MRPS23: variants seen among roughly 807,000 people sequenced by gnomAD.
MRPS23 encodes the protein small ribosomal subunit protein mS23.
Under a neutral mutation model 19.8 loss-of-function variants are expected in MRPS23, and 14 were observed. That is an observed-to-expected ratio of 0.71 (90% CI 0.47 to 1.11). The LOEUF (loss-of-function observed/expected upper bound fraction) is 1.11, where lower values mean the gene tolerates loss of function less well. MRPS23 is among the 50% of genes least tolerant of loss of function. The probability of loss-of-function intolerance (pLI) is 0.00; values close to 1 mark genes in which losing one functional copy is unlikely to be tolerated. For missense variants in MRPS23, 242 were observed against 236.7 expected, an observed-to-expected ratio of 1.02 and a Z score of -0.15; for synonymous variants, 113 against 89.7, an observed-to-expected ratio of 1.26 and a Z score of -1.47.
In MRPS23 at chr17:57,839,571, T is replaced by A. The variant is rs576497303; in HGVS notation, c.*212A>T. The A allele has an allele frequency of 2.7e-5, 12 of 436,730 alleles. 1 individual carries two copies. The highest frequency in any genetic ancestry group is 2.0e-4 in the Admixed American group (5 of 25,536). 27.1% of individuals were successfully genotyped at this position (436,730 alleles called of 1,614,324 possible). ...ACTTTATAAGCAGCTAGGGAATTCT[T>A]TATTTAGTAATGTCCTAACATAAAA... On this transcript the variant is annotated 3_prime_UTR_variant, in exon 5 of 5. Transcript: ENST00000313608.
Position 57,841,249 on chromosome 17 carries a change from G to C in MRPS23, c.227C>G (p.Ser76Ter). The C allele has an allele frequency of 6.2e-7, 1 of 1,613,398 alleles. No homozygotes were observed. Among genetic ancestry groups the C allele is most frequent in the African/African-American group, 1.3e-5 (1 of 75,024 alleles). ...HEDRIRAKFYSVYGSGQRAFD... is the reference protein window; with the variant it reads ...HEDRIRAKFY ...AGCTCTTTGACCAGACCCATACACTGAATAAAACTTCCTAGAAAATGCAAA... is the reference window on the plus strand; with the variant it reads ...AGCTCTTTGACCAGACCCATACACTCAATAAAACTTCCTAGAAAATGCAAA... The change falls in exon 3 of 5, where the codon TCA becomes TGA. Residue 76 changes from serine (S) to a stop codon, truncating the protein, a stop_gained. Transcript: ENST00000313608. LOFTEE classifies it high-confidence loss of function.
chr17:57,839,961 C>G (rs779186471), intron 4 of MRPS23, 26 bp from the exon 5 acceptor site: 1 of 1,611,002 alleles, frequency 6.2e-7, no homozygotes, highest in Admixed American at 1.7e-5. Context: ...TTAAGTATCA[C>G]AGAGATGTTA....
chr17:57,847,818 T>C (rs976460700), intron 2 of MRPS23, among the ~76,000 whole-genome samples: 2 of 150,274 alleles, frequency 1.3e-5, no homozygotes, highest in African/African-American at 2.4e-5. Flanking sequence ...CACCTCAGCA[T>C]CCAAAGTAGC....
chr17:57,847,665 A>AG, intron 2 of MRPS23, among the ~76,000 whole-genome samples: 1 of 150,740 alleles, frequency 6.6e-6, no homozygotes, highest in Non-Finnish European at 1.5e-5. Context: ...CCATCTCGAA[A>AG]AAAAAAAAAA....
chr17:57,836,933 C>G lies in MRPS23; in HGVS notation c.*2850G>C, dbSNP rs980467286. 1.3e-5 allele frequency: 2 copies of G among 152,238 alleles called. No homozygotes were observed. Among genetic ancestry groups the G allele is most frequent in the African/African-American group, 2.4e-5 (1 of 41,458 alleles). 9.4% of individuals were successfully genotyped at this position (152,238 alleles called of 1,614,324 possible). A position where few individuals can be genotyped will look rare whatever the true frequency, so the allele number is the denominator to read the frequency against. ...ACCTCAGGTGATCCGCCCACCTTGG[C>G]CTCCCAAAGTGCTGGGATTACAGGC... On this transcript the variant is annotated 3_prime_UTR_variant, in exon 5 of 5. Transcript: ENST00000313608.
chr17:57,844,137 T>C (rs1355512357), intron 2 of MRPS23, among the ~76,000 whole-genome samples: 6 of 151,080 alleles, frequency 4.0e-5, no homozygotes, highest in Non-Finnish European at 7.4e-5. Flanking sequence ...CTTTTTTTTT[T>C]TTTTAAGAGA....
chr17:57,840,583 G>C (rs2073734096), intron 4 of MRPS23, among the ~76,000 whole-genome samples: 1 of 151,752 alleles, frequency 6.6e-6, no homozygotes, highest in Non-Finnish European at 1.5e-5. Flanking sequence ...TGGCAACTCT[G>C]GTCAACCCTC....
intron 2 of MRPS23, among the ~76,000 whole-genome samples, chr17:57,847,999 G>GA (rs55882302): frequency 0.4 from 60,685 of 150,194 alleles, 12,845 homozygotes; most frequent in East Asian, 0.81. Context: ...GCCTGGCCCA[G>GA]AAAAAAAAAA....
In MRPS23 at chr17:57,849,274, G is replaced by C. The variant is rs2073796390; in HGVS notation, c.181C>G (p.Gln61Glu). 6.2e-7 allele frequency: 1 copy of C among 1,614,100 alleles called. No individual in the cohort carries two copies. Among genetic ancestry groups the C allele is most frequent in the African/African-American group, 1.3e-5 (1 of 74,936 alleles). Reference sequence around the variant, plus strand: ...CGATCCTCGTGGTACCAGATGTCTTGGATGGGAGCTTTGGCTTTGCCATAT... The same window carrying C: ...CGATCCTCGTGGTACCAGATGTCTTCGATGGGAGCTTTGGCTTTGCCATAT... ...VRYGKAKAPI[Q>E]DIWYHEDRIR... Residue 61 changes from glutamine to glutamate, a missense_variant, in exon 2 of 5, where the codon CAA becomes GAA. Coordinates refer to ENST00000313608, the MANE Select transcript of MRPS23 (RefSeq NM_016070.4).
chr17:57,846,080 TTTG>T (rs903404757), intron 2 of MRPS23, among the ~76,000 whole-genome samples: 5 of 9,396 alleles, frequency 5.3e-4, no homozygotes, highest in Admixed American at 2.0e-3. Flanking sequence ...GTGTGACATC[TTTG>T]TTTTTTTTTT....
intron 1 of MRPS23, chr17:57,849,764 T>C (rs1223307960): frequency 1.5e-6 from 1 of 658,778 alleles, no homozygotes; most frequent in Non-Finnish European, 2.5e-6. Context: ...ATCTTTAACA[T>C]GACACATAAA....
At chr17:57,849,789 T>C in intron 1 of MRPS23, 178 bp downstream of exon 1, 1 of 728,000 alleles carries the variant, frequency 1.4e-6, no homozygotes, top group Non-Finnish European at 2.2e-6. Context: ...AGGAGAGGCA[T>C]CCTCAGGCAC....
chr17:57,841,043 C>T lies in MRPS23; in HGVS notation c.303G>A (p.Glu101=). The T allele has an allele frequency of 6.2e-7, 1 of 1,614,006 alleles. No individual in the cohort carries two copies. Among genetic ancestry groups the T allele is most frequent in the Non-Finnish European group, 8.5e-7 (1 of 1,179,962 alleles). The part of the protein sequence containing the change: ...NFKSTCQRFV[E]KYTELQKLGE... ...CAAGTTTCTGTAGCTCAGTGTACTTCTCCACAAACCTGTAATTCCAAGCAG... is the reference window on the plus strand; with the variant it reads ...CAAGTTTCTGTAGCTCAGTGTACTTTTCCACAAACCTGTAATTCCAAGCAG... Residue 101 remains glutamate, a synonymous_variant, in exon 4 of 5, where the codon GAG becomes GAA. Coordinates refer to ENST00000313608, the MANE Select transcript of MRPS23 (RefSeq NM_016070.4).
intron 2 of MRPS23, among the ~76,000 whole-genome samples, chr17:57,843,412 T>C (rs143660240): frequency 2.1e-3 from 324 of 152,360 alleles, no homozygotes; most frequent in African/African-American, 7.4e-3. Flanking sequence ...TTTTCAAGTT[T>C]AAAAGCAAAC....
At chr17:57,840,668 TA>T in intron 4 of MRPS23, 3 of 329,932 alleles carry the variant, frequency 9.1e-6, no homozygotes, top group East Asian at 4.9e-5. Context: ...ATAAATAAAA[TA>T]AAAAATATAA....
chr17:57,849,170 C>T, intron 2 of MRPS23, 70 bp downstream of exon 2: 1 of 1,558,236 alleles, frequency 6.4e-7, no homozygotes, highest in South Asian at 1.2e-5. Flanking sequence ...TTTGAATTCC[C>T]AGACTGCTAC....
chr17:57,845,046 T>C (rs900366954), intron 2 of MRPS23, among the ~76,000 whole-genome samples: 15 of 152,022 alleles, frequency 9.9e-5, no homozygotes, highest in Non-Finnish European at 1.5e-4. Flanking sequence ...TACAGGTGCA[T>C]GCCACCACGC....
intron 2 of MRPS23, among the ~76,000 whole-genome samples, chr17:57,844,922 G>C (rs929008484): frequency 5.9e-5 from 9 of 151,672 alleles, no homozygotes; most frequent in Non-Finnish European, 1.3e-4. Flanking sequence ...TTTTGAGTCG[G>C]AGTCTCACTC....
rs1375492054 is a variant in MRPS23, at chr17:57,835,945, C to A, written c.*3838G>T. On this transcript the variant is annotated 3_prime_UTR_variant, in exon 5 of 5. Transcript: ENST00000313608. ...TAAAAGAATAAGAATTTCTGCCCTC[C>A]TTTATACTTTTTTTTTTTTTTTTTT... 7.2e-5 allele frequency: 10 copies of A among 138,408 alleles called. No homozygotes were observed. The Admixed American group carries it at 8.1e-4, about 11-fold the overall frequency. The allele number at this position is 138,408 out of a possible 1,614,324, so 8.6% of individuals were successfully genotyped here. A position where few individuals can be genotyped will look rare whatever the true frequency, so the allele number is the denominator to read the frequency against.
Sources: gnomAD v4.1 joint callset for allele counts (sites outside exome capture counted in the v4.1 genomes callset) on GRCh38, gnomAD v4.1.1 for gene constraint, MANE v1.5 for transcripts, NCBI Gene and HGNC (gene_info 2026-07-23, HGNC 2026-07-21) for gene names.